Variants in RANBP2 observed in about 807,000 individuals in gnomAD.
RANBP2 encodes the protein E3 SUMO-protein ligase RanBP2.
Under a neutral mutation model 303.6 loss-of-function variants are expected in RANBP2, and 57 were observed. The observed-to-expected ratio is 0.19, with a 90% CI of 0.15 to 0.23. RANBP2 has a LOEUF of 0.23. RANBP2 is among the 10% of genes least tolerant of loss of function. The pLI is 1.00. For missense variants in RANBP2, 3,138 were observed against 3,780.8 expected, an observed-to-expected ratio of 0.83 and a Z score of 4.46; for synonymous variants, 1,167 against 1,301.5, an observed-to-expected ratio of 0.90 and a Z score of 2.23.
At chr2:109,099,078 G>C in the RANBP2 span, among the ~76,000 whole-genome samples, 1 of 152,194 alleles carries the variant, frequency 6.6e-6, no homozygotes, top group African/African-American at 2.4e-5. Flanking sequence ...CAGGCACTTT[G>C]AGAAAGGAAC....
At chr2:108,769,080 G>A (rs1041329864) in intron 20 of RANBP2, among the ~76,000 whole-genome samples, 3 of 151,824 alleles carry the variant, frequency 2.0e-5, no homozygotes, top group Non-Finnish European at 4.4e-5. Flanking sequence ...CATTTTATAT[G>A]TTGTATGTCA....
the RANBP2 span, among the ~76,000 whole-genome samples, chr2:108,821,683 G>C: frequency 7.2e-5 from 11 of 152,110 alleles, no homozygotes; most frequent in East Asian, 2.1e-3. Flanking sequence ...GGTGCCTCAT[G>C]CCTCCAATCC....
intron 4 of RANBP2, among the ~76,000 whole-genome samples, chr2:108,732,943 C>T (rs529525439): frequency 6.6e-6 from 1 of 152,330 alleles, no homozygotes; most frequent in African/African-American, 2.4e-5. Context: ...CCTGCCTCAG[C>T]CTTCCGGGTA....
In RANBP2 at chr2:108,767,870, A is replaced by G; in HGVS notation, c.7331A>G (p.Glu2444Gly). ...KIFDEAKTAQ[E>G]KDSLITPHVS... Reference sequence around the variant, plus strand: ...TTTGATGAAGCAAAAACAGCCCAGGAAAAAGATTCTTTGATAACACCTCAT... The same window carrying G: ...TTTGATGAAGCAAAAACAGCCCAGGGAAAAGATTCTTTGATAACACCTCAT... The change falls in exon 20 of 29, where the codon GAA becomes GGA. Residue 2444 changes from glutamate to glycine, a missense_variant. Glu to Gly is a moderately conservative substitution (Grantham distance 98). Coordinates refer to ENST00000283195, the MANE Select transcript of RANBP2 (RefSeq NM_006267.5). 1 of 1,610,394 alleles carries G rather than the reference A, an allele frequency of 6.2e-7. No homozygotes were observed. Among genetic ancestry groups the G allele is most frequent in the South Asian group, 1.1e-5 (1 of 90,970 alleles).
chr2:109,603,757 A>C, the RANBP2 span, among the ~76,000 whole-genome samples: 1 of 152,202 alleles, frequency 6.6e-6, no homozygotes, highest in Non-Finnish European at 1.5e-5. Flanking sequence ...CAGAGACTTG[A>C]TGAAGAAACA....
the RANBP2 span, among the ~76,000 whole-genome samples, chr2:108,913,159 C>T: frequency 1.3e-5 from 2 of 152,058 alleles, no homozygotes; most frequent in Non-Finnish European, 2.9e-5. Flanking sequence ...CCATGTTAGC[C>T]AGGATGGGCT....
chr2:109,202,295 C>T, the RANBP2 span, among the ~76,000 whole-genome samples: 4 of 152,144 alleles, frequency 2.6e-5, no homozygotes, highest in Admixed American at 2.0e-4. Context: ...GCGTCTGGAC[C>T]CCCTCGGAGG....
At chr2:109,185,469 A>G in the RANBP2 span, among the ~76,000 whole-genome samples, 15 of 152,262 alleles carry the variant, frequency 9.9e-5, no homozygotes, top group Non-Finnish European at 1.6e-4. Context: ...AAATAAACTC[A>G]GGACATCACA....
At chr2:109,207,004 T>G in the RANBP2 span, among the ~76,000 whole-genome samples, 52 of 152,292 alleles carry the variant, frequency 3.4e-4, no homozygotes, top group African/African-American at 1.2e-3. Context: ...GAGCGCTGCA[T>G]TTGCAGGAGG....
the RANBP2 span, among the ~76,000 whole-genome samples, chr2:109,147,762 A>G: frequency 6.6e-6 from 1 of 152,218 alleles, no homozygotes; most frequent in South Asian, 2.1e-4. Flanking sequence ...CGAAGTTAAC[A>G]AGCAGTTGTT....
intron 24 of RANBP2, 125 bp downstream of exon 24, chr2:108,776,061 T>A: frequency 1.4e-6 from 1 of 733,002 alleles, no homozygotes; most frequent in Non-Finnish European, 2.2e-6. Context: ...TAAAGGGGCA[T>A]CTTAGTAGTA....
the RANBP2 span, among the ~76,000 whole-genome samples, chr2:109,205,534 C>G: frequency 6.6e-6 from 1 of 152,166 alleles, no homozygotes; most frequent in Admixed American, 6.5e-5. Flanking sequence ...ACAGGTGAAC[C>G]ACTGTGCCCC....
the RANBP2 span, among the ~76,000 whole-genome samples, chr2:109,287,497 A>G: frequency 6.6e-6 from 1 of 152,208 alleles, no homozygotes; most frequent in Non-Finnish European, 1.5e-5. Context: ...TGAGAGCACC[A>G]GGTTGGGACA....
chr2:108,985,515 T>C, the RANBP2 span, among the ~76,000 whole-genome samples: 4 of 152,170 alleles, frequency 2.6e-5, no homozygotes, highest in Non-Finnish European at 5.9e-5. Flanking sequence ...TTCTCGGAAA[T>C]GGAAAACAAA....
chr2:109,275,779 T>C, the RANBP2 span, among the ~76,000 whole-genome samples: 7 of 152,184 alleles, frequency 4.6e-5, no homozygotes, highest in African/African-American at 1.7e-4. Context: ...TAATGACAGT[T>C]TATGAAGCGA....
chr2:108,803,914 T>C, the RANBP2 span, among the ~76,000 whole-genome samples: 1 of 152,190 alleles, frequency 6.6e-6, no homozygotes, highest in Non-Finnish European at 1.5e-5. Context: ...AATGAAAATA[T>C]TAGTTTTAAA....
the RANBP2 span, among the ~76,000 whole-genome samples, chr2:109,583,604 GA>G: frequency 6.6e-6 from 1 of 152,118 alleles, no homozygotes; most frequent in African/African-American, 2.4e-5. Context: ...ACTTAAACCA[GA>G]ACTACCATTC....
the RANBP2 span, among the ~76,000 whole-genome samples, chr2:108,984,731 C>T: frequency 6.6e-6 from 1 of 152,036 alleles, no homozygotes; most frequent in South Asian, 2.1e-4. Flanking sequence ...TATAGCTTCT[C>T]TCCCTGCAGC....
the RANBP2 span, among the ~76,000 whole-genome samples, chr2:109,689,863 C>CA: frequency 6.6e-6 from 1 of 151,434 alleles, no homozygotes; most frequent in African/African-American, 2.4e-5. Context: ...AATGTTTTTC[C>CA]AAAAAAAAGT....
Sources: allele counts gnomAD v4.1 joint callset (sites outside exome capture counted in the v4.1 genomes callset), GRCh38; gene constraint gnomAD v4.1.1; transcripts MANE v1.5; gene names NCBI Gene and HGNC (gene_info 2026-07-23, HGNC 2026-07-21).